Variants in VPS13A observed in about 807,000 individuals in gnomAD.
VPS13A encodes the protein vacuolar protein sorting 13 homolog A, also known as intermembrane lipid transfer protein VPS13A.
Under a neutral mutation model 390.9 loss-of-function variants are expected in VPS13A, and 264 were observed. The ratio of observed to expected loss-of-function variants is 0.68; its 90% CI spans 0.61 to 0.75. VPS13A has a LOEUF of 0.75. Ranked by LOEUF, VPS13A falls within the 30% of genes least tolerant of loss-of-function variation. The pLI is 0.00. For synonymous variants in VPS13A, 1,231 were observed against 1,227.1 expected (o/e 1.00, Z -0.07); for missense variants, 3,409 against 3,733.9 (o/e 0.91, Z 2.27).
At chr9:77,399,728 G>C (rs1261830009) in intron 68 of VPS13A, among the ~76,000 whole-genome samples, 1 of 152,084 alleles carries the variant, frequency 6.6e-6, no homozygotes, top group Non-Finnish European at 1.5e-5. Flanking sequence ...AAAAATAAAA[G>C]CTTAACTTCT....
At chr9:77,390,578 G>A (rs997968777) in intron 68 of VPS13A, among the ~76,000 whole-genome samples, 2 of 152,074 alleles carry the variant, frequency 1.3e-5, no homozygotes, top group Admixed American at 6.6e-5. Context: ...CTTCGTGGAG[G>A]TTCAGGTTTT....
At chr9:77,330,782 TAA>T (rs58028752) in intron 45 of VPS13A, among the ~76,000 whole-genome samples, 1 of 147,286 alleles carries the variant, frequency 6.8e-6, no homozygotes, top group African/African-American at 2.5e-5. Flanking sequence ...TCCCTCAAAT[TAA>T]AAAAAAAAAT....
At chr9:77,367,968 T>G in intron 61 of VPS13A, 87 bp from the exon 62 acceptor site, 1 of 1,244,988 alleles carries the variant, frequency 8.0e-7, no homozygotes, top group South Asian at 1.3e-5. Context: ...GGAGAAAAGA[T>G]TCTAAAGAAA....
intron 26 of VPS13A, among the ~76,000 whole-genome samples, chr9:77,277,774 A>G (rs1214373112): frequency 6.6e-6 from 1 of 152,014 alleles, no homozygotes; most frequent in Non-Finnish European, 1.5e-5. Context: ...AATGAATGAT[A>G]TTCTCTTGTC....
chr9:77,191,918 T>C (rs971354987), intron 1 of VPS13A, among the ~76,000 whole-genome samples: 1 of 152,088 alleles, frequency 6.6e-6, no homozygotes, highest in South Asian at 2.1e-4. Flanking sequence ...GTGTTGACTT[T>C]AGGTCTGTCT....
chr9:77,343,251 T>C (rs1027451811), intron 50 of VPS13A, among the ~76,000 whole-genome samples: 7 of 152,346 alleles, frequency 4.6e-5, no homozygotes, highest in Non-Finnish European at 1.0e-4. Flanking sequence ...TGCAGTGCCC[T>C]GGCTGTGCGC....
At chr9:77,282,498 T>A (rs569696013) in intron 29 of VPS13A, among the ~76,000 whole-genome samples, 3 of 152,280 alleles carry the variant, frequency 2.0e-5, no homozygotes, top group East Asian at 3.9e-4. Flanking sequence ...AATAATTGTT[T>A]TTAGTTTAAG....
At chr9:77,215,584 A>T (rs565802157) in intron 10 of VPS13A, among the ~76,000 whole-genome samples, 73 of 152,366 alleles carry the variant, frequency 4.8e-4, no homozygotes, top group African/African-American at 1.8e-3. Flanking sequence ...CAAATTTAAT[A>T]TAAAGAATTA....
intron 21 of VPS13A, 91 bp downstream of exon 21, chr9:77,250,320 T>A (rs1384517261): frequency 2.1e-6 from 3 of 1,429,138 alleles, no homozygotes; most frequent in African/African-American, 2.8e-5. Flanking sequence ...CTTAAATGTG[T>A]TAGAACGTCT....
rs767268932 is a variant in VPS13A at position 77,339,930 on chromosome 9, G to T, written c.6774+19G>T. 2 of 1,605,104 alleles carry T rather than the reference G, an allele frequency of 1.2e-6. No homozygotes were observed. The highest frequency in any genetic ancestry group is 8.5e-7 in the Non-Finnish European group (1 of 1,179,272). ...CAATAAGGTATGCGATGTTTATTCT[G>T]TTTTTCCCTTGTCTTTAGCTACTTG... On this transcript the variant is annotated intron_variant, in intron 48 of 71. Transcript: ENST00000360280.
At chr9:77,415,323 T>G (rs1835128912) in intron 71 of VPS13A, among the ~76,000 whole-genome samples, 1 of 152,206 alleles carries the variant, frequency 6.6e-6, no homozygotes, top group African/African-American at 2.4e-5. Context: ...CTCCCTATCT[T>G]AGGGCTATTC....
At chr9:77,265,690 T>C (rs1271915590) in intron 23 of VPS13A, among the ~76,000 whole-genome samples, 1 of 152,226 alleles carries the variant, frequency 6.6e-6, no homozygotes, top group Non-Finnish European at 1.5e-5. Context: ...TTCTCTTTTC[T>C]TTATTAGTCT....
At chr9:77,391,615 G>A (rs534167671) in intron 68 of VPS13A, among the ~76,000 whole-genome samples, 41 of 152,110 alleles carry the variant, frequency 2.7e-4, no homozygotes, top group African/African-American at 9.2e-4. Flanking sequence ...AGAACCCTAC[G>A]GAAGCACTAT....
intron 33 of VPS13A, among the ~76,000 whole-genome samples, chr9:77,297,828 C>T (rs1828106493): frequency 4.6e-5 from 7 of 151,990 alleles, no homozygotes; most frequent in Admixed American, 4.6e-4. Flanking sequence ...AATGGGATCA[C>T]ATTTTGAAAA....
At chr9:77,271,253 A>G (rs113876104) in intron 23 of VPS13A, among the ~76,000 whole-genome samples, 8 of 152,214 alleles carry the variant, frequency 5.3e-5, no homozygotes, top group African/African-American at 1.9e-4. Context: ...CCACATAGAA[A>G]TACTACTACA....
intron 17 of VPS13A, among the ~76,000 whole-genome samples, chr9:77,236,034 A>T (rs951608090): frequency 6.6e-6 from 1 of 152,152 alleles, no homozygotes; most frequent in African/African-American, 2.4e-5. Context: ...ATTTTTCCCA[A>T]CGTAGACTAA....
In VPS13A at chr9:77,416,368, G is replaced by T. The variant is rs1835170323; in HGVS notation, c.*362G>T. On this transcript the variant is annotated 3_prime_UTR_variant, in exon 72 of 72. Transcript: ENST00000360280. ...TGCCCATAATTCATCTCCACATGGA[G>T]CCAAGTTTAATGTTTCTAGTTCACA... is the stretch of plus-strand genomic sequence containing the variant. 2 of 236,424 alleles carry T rather than the reference G, an allele frequency of 8.5e-6. No homozygotes were observed. Among genetic ancestry groups the T allele is most frequent in the African/African-American group, 2.3e-5 (1 of 43,016 alleles). 14.6% of individuals were successfully genotyped at this position (236,424 alleles called of 1,614,324 possible).
chr9:77,203,394 C>T (rs1019698298), intron 3 of VPS13A, among the ~76,000 whole-genome samples: 71 of 152,096 alleles, frequency 4.7e-4, no homozygotes, highest in African/African-American at 1.6e-3. Context: ...GCTCAAGTAA[C>T]CCTCCCACCT....
intron 22 of VPS13A, among the ~76,000 whole-genome samples, chr9:77,254,145 G>A (rs936185014): frequency 1.3e-4 from 20 of 151,794 alleles, no homozygotes; most frequent in Non-Finnish European, 1.6e-4. Context: ...GGGTTTCACC[G>A]TGCCAGCCAG....
Sources: gnomAD v4.1 joint callset for allele counts (sites outside exome capture counted in the v4.1 genomes callset) on GRCh38, gnomAD v4.1.1 for gene constraint, MANE v1.5 for transcripts, NCBI Gene and HGNC (gene_info 2026-07-23, HGNC 2026-07-21) for gene names.